Variants in FAM117B observed in about 807,000 individuals in gnomAD.
The protein encoded by FAM117B is protein FAM117B.
Under a neutral mutation model 52.8 loss-of-function variants are expected in FAM117B, and 22 were observed. That is an observed-to-expected ratio of 0.42 (90% confidence interval 0.30 to 0.59). FAM117B has a LOEUF of 0.59. FAM117B is among the 20% of genes least tolerant of loss of function. FAM117B has a pLI of 0.22. For missense variants in FAM117B, 678 were observed against 802.6 expected, an observed-to-expected ratio of 0.84 and a Z score of 1.88; for synonymous variants, 309 against 324.1, an observed-to-expected ratio of 0.95 and a Z score of 0.50.
At chr2:202,672,252 G>A (rs556219784) in intron 1 of FAM117B, among the ~76,000 whole-genome samples, 4 of 152,156 alleles carry the variant, frequency 2.6e-5, no homozygotes, top group African/African-American at 9.6e-5. Context: ...TTGCTCTGTC[G>A]CCCAGGCTGG....
In FAM117B at chr2:202,724,929, T is replaced by C. The variant is rs2105787024; in HGVS notation, c.766T>C (p.Trp256Arg). 2 of 1,610,610 alleles carry C rather than the reference T, an allele frequency of 1.2e-6. No homozygotes were observed. Among genetic ancestry groups the C allele is most frequent in the Non-Finnish European group, 1.7e-6 (2 of 1,177,956 alleles). Residue 256 changes from tryptophan to arginine, a missense_variant, in exon 3 of 8, where the codon TGG becomes CGG. By Grantham distance (101) the Trp-to-Arg change is moderately radical. Transcript: ENST00000392238. ...RDKATQTESA[W>R]AEEYSEKKKG... ...TTTTTCATTACAGACAGAGAGTGCA[T>C]GGGCTGAAGAATACTCTGAAAAGAA...
intron 2 of FAM117B, among the ~76,000 whole-genome samples, chr2:202,712,921 G>A (rs942825550): frequency 1.3e-5 from 2 of 152,132 alleles, no homozygotes; most frequent in African/African-American, 4.8e-5. Context: ...TCTTTTTAAT[G>A]TGTTGTTGAA....
At chr2:202,642,344 A>AATATATATATATATATATATATATATAT (rs59347439) in intron 1 of FAM117B, among the ~76,000 whole-genome samples, 30 of 142,582 alleles carry the variant, frequency 2.1e-4, no homozygotes, top group African/African-American at 6.8e-4. Context: ...GAATAAATAG[A>AATATATATATATATATATATATATATAT]ATATATATAT....
intron 1 of FAM117B, among the ~76,000 whole-genome samples, chr2:202,670,020 ACTGT>A (rs1690266989): frequency 6.6e-6 from 1 of 152,190 alleles, no homozygotes. Flanking sequence ...ATTCTCACAT[ACTGT>A]CTAAGTACTT....
At chr2:202,678,377 G>C (rs1198934998) in intron 1 of FAM117B, among the ~76,000 whole-genome samples, 1 of 152,166 alleles carries the variant, frequency 6.6e-6, no homozygotes, top group African/African-American at 2.4e-5. Context: ...GGATTGATTT[G>C]ACCAGGCATG....
chr2:202,745,783 G>C (rs550151589), intron 4 of FAM117B, among the ~76,000 whole-genome samples: 8 of 152,180 alleles, frequency 5.3e-5, no homozygotes, highest in Non-Finnish European at 1.2e-4. Flanking sequence ...GAAACCAAAA[G>C]TATGCAGGAT....
At chr2:202,672,912 G>A (rs758294730) in intron 1 of FAM117B, among the ~76,000 whole-genome samples, 16 of 151,818 alleles carry the variant, frequency 1.1e-4, no homozygotes, top group Non-Finnish European at 1.5e-4. Context: ...AGCTGACATG[G>A]TGGCATGCAC....
intron 1 of FAM117B, among the ~76,000 whole-genome samples, chr2:202,682,669 G>A (rs377198951): frequency 2.0e-5 from 3 of 152,292 alleles, no homozygotes; most frequent in Admixed American, 6.5e-5. Flanking sequence ...TAAAATAAGC[G>A]TCAGTAACTT....
intron 2 of FAM117B, among the ~76,000 whole-genome samples, chr2:202,712,036 T>C (rs550065421): frequency 6.6e-6 from 1 of 152,330 alleles, no homozygotes; most frequent in East Asian, 1.9e-4. Flanking sequence ...GGGTCTTTTG[T>C]GGATCCTTAT....
At position 202,673,829 on chromosome 2, in the gene FAM117B, C is replaced by T. The variant is rs1690338746; in HGVS notation, c.602-22052C>T. On this transcript the variant is annotated intron_variant, in intron 1 of 7. Coordinates refer to ENST00000392238, the MANE Select transcript of FAM117B (RefSeq NM_173511.4). ...TTGAAAAGGTTATGTCTAACTTCTT[C>T]CTGTTTGTGCCTCAGAATATCCAGT... Among the ~76,000 whole-genome samples, 3 of 152,268 alleles carry T rather than the reference C, an allele frequency of 2.0e-5. No homozygotes were observed. In the South Asian group the frequency reaches 6.2e-4, roughly 32 times the overall value.
intron 4 of FAM117B, among the ~76,000 whole-genome samples, chr2:202,744,661 A>C (rs181820531): frequency 8.0e-4 from 122 of 152,260 alleles, no homozygotes; most frequent in African/African-American, 2.9e-3. Context: ...TTTACCCAGG[A>C]ATAATATCCT....
chr2:202,701,002 A>AT (rs1393339258), intron 2 of FAM117B, among the ~76,000 whole-genome samples: 3 of 152,142 alleles, frequency 2.0e-5, no homozygotes, highest in Non-Finnish European at 2.9e-5. Flanking sequence ...ACCCAGCTAG[A>AT]TTTTTAATGA....
At chr2:202,655,833 A>G (rs1469401144) in intron 1 of FAM117B, among the ~76,000 whole-genome samples, 2 of 151,916 alleles carry the variant, frequency 1.3e-5, no homozygotes, top group African/African-American at 2.4e-5. Context: ...AGAGTAGAAC[A>G]GGGAGTTTGA....
chr2:202,732,443 G>A (rs1369159448), intron 4 of FAM117B, among the ~76,000 whole-genome samples: 1 of 152,084 alleles, frequency 6.6e-6, no homozygotes, highest in African/African-American at 2.4e-5. Flanking sequence ...AATAAAATGT[G>A]GTATATCCAT....
Position 202,759,234 on chromosome 2 carries a change from GA to G in FAM117B, c.1334del (p.Asn445MetfsTer58). 1 of 1,613,900 alleles carries G rather than the reference GA, an allele frequency of 6.2e-7. No homozygotes were observed. The highest frequency in any genetic ancestry group is 8.5e-7 in the Non-Finnish European group (1 of 1,179,956). On this transcript the variant is annotated frameshift_variant and splice_region_variant, in exon 7 of 8. Coordinates refer to ENST00000392238, the MANE Select transcript of FAM117B (RefSeq NM_173511.4). LOFTEE classifies it high-confidence loss of function. ...DLLVDPRDKE[N>X]GNNSPLPKYA... ...AATCTAATGTGTCATTTCTTGCAGA[GA>G]ATGGGAACAATTCTCCTTTGCCCAA...
intron 3 of FAM117B, among the ~76,000 whole-genome samples, chr2:202,725,851 A>G (rs907801318): frequency 2.0e-5 from 3 of 152,230 alleles, no homozygotes; most frequent in African/African-American, 7.2e-5. Flanking sequence ...TCATGACTTG[A>G]GTTGATTTTT....
At chr2:202,730,205 G>C (rs1452695023) in intron 4 of FAM117B, among the ~76,000 whole-genome samples, 5 of 152,056 alleles carry the variant, frequency 3.3e-5, no homozygotes, top group Admixed American at 3.3e-4. Flanking sequence ...GAACATCAAG[G>C]CCCAGAGAGG....
intron 1 of FAM117B, among the ~76,000 whole-genome samples, chr2:202,646,669 G>A (rs1689869532): frequency 6.6e-6 from 1 of 152,146 alleles, no homozygotes; most frequent in African/African-American, 2.4e-5. Flanking sequence ...GCTCTTTTGA[G>A]TACGAGTGGT....
chr2:202,725,936 T>C (rs1359314598), intron 3 of FAM117B, among the ~76,000 whole-genome samples: 2 of 152,212 alleles, frequency 1.3e-5, no homozygotes, highest in East Asian at 1.9e-4. Context: ...AATTAACTTA[T>C]GGTAAAGGCA....
Sources: allele counts gnomAD v4.1 joint callset (sites outside exome capture counted in the v4.1 genomes callset), GRCh38; gene constraint gnomAD v4.1.1; transcripts MANE v1.5; gene names NCBI Gene and HGNC (gene_info 2026-07-23, HGNC 2026-07-21).